SV2C: variants seen among roughly 807,000 people sequenced by gnomAD.
SV2C encodes the protein synaptic vesicle glycoprotein 2C.
A neutral mutation model predicts 79.7 loss-of-function variants in SV2C; 49 were observed. That is an observed-to-expected ratio of 0.61 (90% CI 0.49 to 0.78). The LOEUF is 0.78. SV2C is among the 30% of genes least tolerant of loss of function. The pLI, the probability that SV2C is intolerant of heterozygous loss-of-function variation, is 0.00. For synonymous variants in SV2C, 334 were observed against 333.2 expected (o/e 1.00, Z -0.03); for missense variants, 833 against 912.9 (o/e 0.91, Z 1.13).
the SV2C span, among the ~76,000 whole-genome samples, chr5:76,014,656 G>A: frequency 1.6e-4 from 25 of 152,044 alleles, no homozygotes; most frequent in African/African-American, 6.0e-4. Context: ...ACACACACAT[G>A]TGCGCACACA....
the SV2C span, among the ~76,000 whole-genome samples, chr5:76,039,611 C>T: frequency 1.3e-5 from 2 of 151,954 alleles, no homozygotes; most frequent in African/African-American, 4.8e-5. Flanking sequence ...CAAAAATTAA[C>T]CGGGCATGGT....
chr5:76,199,051 G>T (rs1744353643), intron 3 of SV2C, among the ~76,000 whole-genome samples: 1 of 152,162 alleles, frequency 6.6e-6, no homozygotes, highest in Non-Finnish European at 1.5e-5. Flanking sequence ...CTATTTCAAT[G>T]ATCCTCTTGT....
the SV2C span, among the ~76,000 whole-genome samples, chr5:75,952,799 C>T: frequency 6.6e-6 from 1 of 151,808 alleles, no homozygotes; most frequent in Non-Finnish European, 1.5e-5. Context: ...TTATAATTAC[C>T]CAGCCTCAGG....
the SV2C span, among the ~76,000 whole-genome samples, chr5:76,017,284 GTGT>G: frequency 2.0e-5 from 3 of 151,940 alleles, no homozygotes; most frequent in Non-Finnish European, 2.9e-5. Flanking sequence ...TATCACTGAA[GTGT>G]TGTTGTTGTT....
chr5:75,921,285 A>ACTGCAGGTC, the SV2C span: 1 of 1,482,664 alleles, frequency 6.7e-7, no homozygotes, highest in South Asian at 1.2e-5. Flanking sequence ...TTGCCATCCC[A>ACTGCAGGTC]CTTGTCAAAA....
intron 2 of SV2C, among the ~76,000 whole-genome samples, chr5:76,133,210 G>T (rs1471593882): frequency 2.0e-5 from 3 of 152,152 alleles, no homozygotes; most frequent in African/African-American, 2.4e-5. Flanking sequence ...AAATCAGGAG[G>T]ATTTCCAAAC....
intron 12 of SV2C, among the ~76,000 whole-genome samples, chr5:76,348,617 G>A (rs546648979): frequency 6.6e-6 from 1 of 152,288 alleles, no homozygotes; most frequent in African/African-American, 2.4e-5. Context: ...ACTTAACTCA[G>A]CAGCTAACTG....
chr5:76,232,093 G>A (rs1185806363), intron 4 of SV2C, among the ~76,000 whole-genome samples: 1 of 149,618 alleles, frequency 6.7e-6, no homozygotes, highest in Admixed American at 6.6e-5. Context: ...ATCCTCTCCA[G>A]CACCTGTTGT....
the SV2C span, among the ~76,000 whole-genome samples, chr5:76,039,700 G>A: frequency 6.9e-6 from 1 of 144,950 alleles, no homozygotes; most frequent in East Asian, 2.0e-4. Flanking sequence ...AGGTTGCAGT[G>A]AACTAAGATC....
the SV2C span, among the ~76,000 whole-genome samples, chr5:75,948,906 G>A: frequency 2.6e-5 from 4 of 151,912 alleles, no homozygotes; most frequent in Non-Finnish European, 4.4e-5. Flanking sequence ...TTAGAACTTT[G>A]GCTTTTGTGA....
At chr5:76,314,184 T>A (rs1748547915) in intron 12 of SV2C, among the ~76,000 whole-genome samples, 1 of 152,218 alleles carries the variant, frequency 6.6e-6, no homozygotes, top group Non-Finnish European at 1.5e-5. Context: ...GAATGAAATA[T>A]GCATTTGAGA....
At chr5:76,068,330 A>G in the SV2C span, among the ~76,000 whole-genome samples, 32 of 152,308 alleles carry the variant, frequency 2.1e-4, no homozygotes, top group Admixed American at 1.4e-3. Flanking sequence ...ATGTGATCAT[A>G]TGATTATTAT....
intron 9 of SV2C, chr5:76,296,230 C>A: frequency 5.3e-6 from 1 of 188,408 alleles, no homozygotes; most frequent in Non-Finnish European, 1.1e-5. Flanking sequence ...TGGAGAGCAA[C>A]AAAAATAATG....
the SV2C span, among the ~76,000 whole-genome samples, chr5:76,013,085 C>T: frequency 1.1e-4 from 17 of 152,218 alleles, no homozygotes; most frequent in East Asian, 1.9e-4. Flanking sequence ...CTTGGCTATA[C>T]GGGCTCTTTT....
intron 4 of SV2C, among the ~76,000 whole-genome samples, chr5:76,210,482 G>C (rs1744737440): frequency 6.6e-6 from 1 of 152,236 alleles, no homozygotes; most frequent in African/African-American, 2.4e-5. Flanking sequence ...GAACAGCCAG[G>C]TGAAGAGAAA....
chr5:75,966,389 T>A, the SV2C span, among the ~76,000 whole-genome samples: 2 of 152,148 alleles, frequency 1.3e-5, no homozygotes, highest in Non-Finnish European at 1.5e-5. Context: ...TATGCTACCC[T>A]ACTGAAATAG....
chr5:76,064,713 G>C, the SV2C span, among the ~76,000 whole-genome samples: 1 of 151,998 alleles, frequency 6.6e-6, no homozygotes, highest in African/African-American at 2.4e-5. Flanking sequence ...TTTATATTTT[G>C]GCAGGAACTG....
intron 4 of SV2C, among the ~76,000 whole-genome samples, chr5:76,222,632 A>G (rs373609753): frequency 1.3e-5 from 2 of 152,218 alleles, no homozygotes; most frequent in Non-Finnish European, 2.9e-5. Flanking sequence ...GATGTTGTCT[A>G]TAGTTATGTA....
chr5:75,901,224 T>C, the SV2C span, among the ~76,000 whole-genome samples: 11 of 152,276 alleles, frequency 7.2e-5, no homozygotes, highest in Non-Finnish European at 1.6e-4. Flanking sequence ...TTTTATCTAC[T>C]TTTGGTCTTT....
Sources: gnomAD v4.1 joint callset for allele counts (sites outside exome capture counted in the v4.1 genomes callset) on GRCh38, gnomAD v4.1.1 for gene constraint, MANE v1.5 for transcripts, NCBI Gene and HGNC (gene_info 2026-07-23, HGNC 2026-07-21) for gene names.